Variants in PAPPA2 observed in about 807,000 individuals in gnomAD.
PAPPA2 encodes pappalysin 2.
Under a neutral mutation model 176.4 loss-of-function variants are expected in PAPPA2, and 86 were observed. The ratio of observed to expected loss-of-function variants is 0.49; its 90% CI spans 0.41 to 0.58. PAPPA2 has a LOEUF of 0.58. PAPPA2 is among the 20% of genes least tolerant of loss of function. PAPPA2 has a pLI of 0.00. For synonymous variants in PAPPA2, 809 were observed against 852.2 expected, an observed-to-expected ratio of 0.95 and a Z score of 0.88; for missense variants, 2,073 against 2,256.9, an observed-to-expected ratio of 0.92 and a Z score of 1.65.
chr1:176,737,284 A>G (rs150859649), intron 12 of PAPPA2, among the ~76,000 whole-genome samples: 445 of 152,138 alleles, frequency 2.9e-3, no homozygotes, highest in Non-Finnish European at 4.7e-3. Flanking sequence ...CAAGAATCGA[A>G]CTCAGGGTTT....
At chr1:176,840,129 A>G (rs753534108) in intron 21 of PAPPA2, 44 bp from the exon 22 acceptor site, 1 of 1,469,800 alleles carries the variant, frequency 6.8e-7, no homozygotes, top group South Asian at 1.1e-5. Flanking sequence ...CAAACAAGAC[A>G]TAATAAGGCT....
At chr1:176,763,030 G>C (rs1663767186) in intron 14 of PAPPA2, among the ~76,000 whole-genome samples, 1 of 152,152 alleles carries the variant, frequency 6.6e-6, no homozygotes, top group African/African-American at 2.4e-5. Flanking sequence ...AGCAACTTTA[G>C]CATATTTAGT....
intron 21 of PAPPA2, among the ~76,000 whole-genome samples, chr1:176,837,714 T>C (rs1376243659): frequency 6.6e-6 from 1 of 151,948 alleles, no homozygotes; most frequent in African/African-American, 2.4e-5. Context: ...GTACCTTTTC[T>C]TGGAAAAGAT....
chr1:176,646,415 T>C (rs1657401337), intron 3 of PAPPA2, among the ~76,000 whole-genome samples: 1 of 151,168 alleles, frequency 6.6e-6, no homozygotes, highest in South Asian at 2.1e-4. Flanking sequence ...ATTACAAACA[T>C]CTAGTTATAC....
rs150473223 is a variant in PAPPA2, at chr1:176,473,213, C to T, written c.-917+9795C>T. 7.4e-4 allele frequency among the ~76,000 whole-genome samples: 113 copies of T among 152,232 alleles called. No individual in the cohort carries two copies. In the Middle Eastern group the frequency reaches 0.01, roughly 14 times the overall value. On this transcript the variant is annotated intron_variant, in intron 1 of 22. Coordinates refer to ENST00000367662, the MANE Select transcript of PAPPA2 (RefSeq NM_020318.3). The stretch of plus-strand genomic sequence containing the variant: ...CCCTCCTTCTAACCCCTGTCCTAAC[C>T]CCTGACAACCACTTATCTTTTTACT...
intron 3 of PAPPA2, among the ~76,000 whole-genome samples, chr1:176,643,685 A>G (rs1384087243): frequency 6.6e-6 from 1 of 151,876 alleles, no homozygotes; most frequent in Non-Finnish European, 1.5e-5. Flanking sequence ...TCCAGCTGGA[A>G]TAGAATATCC....
intron 11 of PAPPA2, among the ~76,000 whole-genome samples, chr1:176,710,864 G>A (rs1408223490): frequency 2.0e-5 from 3 of 152,126 alleles, no homozygotes; most frequent in African/African-American, 7.2e-5. Context: ...TCCAGTTCAA[G>A]GATTTCATCA....
intron 12 of PAPPA2, among the ~76,000 whole-genome samples, chr1:176,717,322 C>T (rs1460471984): frequency 6.6e-6 from 1 of 152,156 alleles, no homozygotes; most frequent in Non-Finnish European, 1.5e-5. Context: ...AAGACACTTC[C>T]AGCAGCACCA....
intron 1 of PAPPA2, chr1:176,553,759 G>T (rs1206041788): frequency 6.6e-6 from 1 of 152,030 alleles, no homozygotes; most frequent in African/African-American, 2.4e-5. Context: ...TTTTCTGAGG[G>T]TTATGGGGTG....
intron 21 of PAPPA2, among the ~76,000 whole-genome samples, chr1:176,821,886 C>A (rs1420532965): frequency 2.0e-5 from 3 of 152,188 alleles, no homozygotes; most frequent in Non-Finnish European, 1.5e-5. Context: ...CAGTCGCAAG[C>A]ATTCGTTAAA....
chr1:176,682,655 T>A (rs1659640492), intron 4 of PAPPA2, among the ~76,000 whole-genome samples: 1 of 148,196 alleles, frequency 6.7e-6, no homozygotes, highest in African/African-American at 2.5e-5. Flanking sequence ...CTATAAAAAA[T>A]AAAGATTCAC....
At chr1:176,640,944 T>C in intron 3 of PAPPA2, among the ~76,000 whole-genome samples, 1 of 152,230 alleles carries the variant, frequency 6.6e-6, no homozygotes, top group Non-Finnish European at 1.5e-5. Context: ...TGGTCAGTGA[T>C]GGTGAGCATT....
chr1:176,512,097 T>C (rs932010394), intron 1 of PAPPA2, among the ~76,000 whole-genome samples: 3 of 151,958 alleles, frequency 2.0e-5, no homozygotes, highest in East Asian at 3.9e-4. Context: ...ATATTTCATA[T>C]CATTTTTCAG....
At chr1:176,761,782 A>G (rs775844831) in intron 14 of PAPPA2, among the ~76,000 whole-genome samples, 1 of 152,214 alleles carries the variant, frequency 6.6e-6, no homozygotes, top group Non-Finnish European at 1.5e-5. Context: ...CCAGTCTCCA[A>G]ACAGCTTTAG....
chr1:176,623,452 C>T (rs1433971874), intron 3 of PAPPA2, among the ~76,000 whole-genome samples: 1 of 152,104 alleles, frequency 6.6e-6, no homozygotes, highest in African/African-American at 2.4e-5. Context: ...TGCCAGGAAG[C>T]ATTAGAGCCA....
At position 176,794,260 on chromosome 1, in the gene PAPPA2, G is replaced by A. The variant is rs138432169; in HGVS notation, c.5130+591G>A. ...CATAAAAGGAAGAATGAGGTCCTCCGGGGTTCAAATACAATGTCACTTACT... is the reference window on the plus strand; with the variant it reads ...CATAAAAGGAAGAATGAGGTCCTCCAGGGTTCAAATACAATGTCACTTACT... On this transcript the variant is annotated intron_variant, in intron 20 of 22. Coordinates refer to ENST00000367662, the MANE Select transcript of PAPPA2 (RefSeq NM_020318.3). Among the ~76,000 whole-genome samples, 213 of 152,240 alleles carry A rather than the reference G, an allele frequency of 1.4e-3. 1 individual carries two copies. Among genetic ancestry groups the A allele is most frequent in the African/African-American group, 4.8e-3 (198 of 41,532 alleles).
Position 176,476,707 on chromosome 1 carries a change from A to G in PAPPA2, c.-917+13289A>G, listed in dbSNP as rs572571830. On this transcript the variant is annotated intron_variant, in intron 1 of 22. Transcript: ENST00000367662. ...TGGCTCAACTGCCAGTTTTGGAACC[A>G]TGACTAGGATGATTTTATCAGCATC... Among the ~76,000 whole-genome samples, 121 of 152,352 alleles carry G rather than the reference A, an allele frequency of 7.9e-4. 1 individual carries two copies. The highest frequency in any genetic ancestry group is 2.7e-3 in the African/African-American group (113 of 41,588).
intron 3 of PAPPA2, among the ~76,000 whole-genome samples, chr1:176,632,229 ATGTGTGTGTGTGTGTGTG>A (rs56939950): frequency 6.9e-6 from 1 of 145,430 alleles, no homozygotes; most frequent in Non-Finnish European, 1.5e-5. Flanking sequence ...ATTAGTAGTG[ATGTGTGTGTGTGTGTGTG>A]TGTGTGTGTG....
chr1:176,684,558 C>T (rs1387753679), intron 4 of PAPPA2, among the ~76,000 whole-genome samples: 19 of 152,140 alleles, frequency 1.2e-4, no homozygotes, highest in Admixed American at 1.2e-3. Context: ...CCCCCACTCC[C>T]CATTCTACTA....
Sources: gnomAD v4.1 joint callset for allele counts (sites outside exome capture counted in the v4.1 genomes callset) on GRCh38, gnomAD v4.1.1 for gene constraint, MANE v1.5 for transcripts, NCBI Gene and HGNC (gene_info 2026-07-23, HGNC 2026-07-21) for gene names.